GPC3: variants seen among roughly 807,000 people sequenced by gnomAD.
GPC3 encodes the protein glypican 3.
In GPC3, 3 loss-of-function variants were observed where a neutral mutation model predicts 34.4. The ratio of observed to expected loss-of-function variants is 0.09; its 90% CI spans 0.04 to 0.23. The LOEUF (loss-of-function observed/expected upper bound fraction) is 0.23. Among genes scored for constraint, GPC3 ranks in the 10% least tolerant of loss-of-function variants. The pLI is 1.00. For missense variants in GPC3, 351 were observed against 445.6 expected, an observed-to-expected ratio of 0.79 and a Z score of 1.91; for synonymous variants, 177 against 174.0, an observed-to-expected ratio of 1.02 and a Z score of -0.13.
intron 1 of GPC3, among the ~76,000 whole-genome samples, chrX:133,984,160 G>A (rs2076554799): frequency 8.8e-6 from 1 of 113,591 alleles, no homozygotes; most frequent in Non-Finnish European, 1.9e-5. Flanking sequence ...GCTGCTCCCC[G>A]ATCCCTCGGA....
At chrX:133,817,437 T>C (rs1026397226) in intron 2 of GPC3, among the ~76,000 whole-genome samples, 2 of 110,906 alleles carry the variant, frequency 1.8e-5, no homozygotes, top group African/African-American at 3.3e-5. Flanking sequence ...GTTGGCCACA[T>C]GTGAAGCAAG....
chrX:133,866,724 T>G (rs763139653), intron 2 of GPC3, among the ~76,000 whole-genome samples: 1 of 111,526 alleles, frequency 9.0e-6, no homozygotes, highest in East Asian at 2.8e-4. Flanking sequence ...ACTTCTGGCT[T>G]TTTTCTTTTT....
intron 2 of GPC3, among the ~76,000 whole-genome samples, chrX:133,867,440 C>T (rs1317292093): frequency 1.8e-5 from 2 of 110,295 alleles, no homozygotes; most frequent in African/African-American, 6.6e-5. Flanking sequence ...GACACATGAA[C>T]AAGTCATCCG....
At position 133,882,858 on chromosome X, in the gene GPC3, A is replaced by G. The variant is rs751803540; in HGVS notation, c.337+70192T>C. On this transcript the variant is annotated intron_variant, in intron 2 of 7. Coordinates refer to ENST00000370818, the MANE Select transcript of GPC3 (RefSeq NM_004484.4). Reference sequence around the variant, plus strand: ...CAATCCCTTGAGAATCTTATTTCCAATCTGACTCTCAGTAGGTCAGAGAAT... The same window carrying G: ...CAATCCCTTGAGAATCTTATTTCCAGTCTGACTCTCAGTAGGTCAGAGAAT... Among the ~76,000 whole-genome samples, 5 of 111,335 alleles carry G rather than the reference A, an allele frequency of 4.5e-5. No individual in the cohort carries two copies. In the South Asian group the frequency reaches 1.9e-3, roughly 42 times the overall value.
At chrX:133,930,638 TA>T (rs2076294232) in intron 2 of GPC3, among the ~76,000 whole-genome samples, 2 of 112,531 alleles carry the variant, frequency 1.8e-5, no homozygotes, top group Non-Finnish European at 3.8e-5. Context: ...AATACAATTT[TA>T]TTTTTTTTCT....
chrX:133,818,033 CAA>C (rs2075700853), intron 2 of GPC3, among the ~76,000 whole-genome samples: 1 of 111,292 alleles, frequency 9.0e-6, no homozygotes, highest in African/African-American at 3.3e-5. Flanking sequence ...TCAATCATGT[CAA>C]GTTTGGAACA....
chrX:133,897,062 A>G lies in GPC3; in HGVS notation c.337+55988T>C, dbSNP rs1442262626. Among the ~76,000 whole-genome samples, 32 of 108,714 alleles carry G rather than the reference A, an allele frequency of 2.9e-4. 1 individual carries two copies. Among genetic ancestry groups the G allele is most frequent in the South Asian group, 4.1e-4 (1 of 2,430 alleles). 94.4% of individuals were successfully genotyped at this position (108,714 alleles called of 115,157 possible). A position where few individuals can be genotyped will look rare whatever the true frequency, so the allele number is the denominator to read the frequency against. On this transcript the variant is annotated intron_variant, in intron 2 of 7. Coordinates refer to ENST00000370818, the MANE Select transcript of GPC3 (RefSeq NM_004484.4). ...GCTGGGACTACAGGCGCCCACAACCACGCCCAGCTAATTTTTTGTATTTTT... is the reference window on the plus strand; with the variant it reads ...GCTGGGACTACAGGCGCCCACAACCGCGCCCAGCTAATTTTTTGTATTTTT...
intron 1 of GPC3, among the ~76,000 whole-genome samples, chrX:133,971,992 T>C (rs1256545872): frequency 1.8e-5 from 2 of 111,991 alleles, no homozygotes; most frequent in Non-Finnish European, 3.8e-5. Context: ...CTCTGAATGA[T>C]TGAATAAATG....
At chrX:133,624,686 A>T (rs1246885175) in intron 6 of GPC3, among the ~76,000 whole-genome samples, 4 of 111,465 alleles carry the variant, frequency 3.6e-5, no homozygotes, top group Non-Finnish European at 7.5e-5. Context: ...CCAACCAAAA[A>T]AAAGTCCAGG....
intron 2 of GPC3, among the ~76,000 whole-genome samples, chrX:133,903,520 C>T (rs912558130): frequency 3.1e-4 from 35 of 111,833 alleles, no homozygotes; most frequent in African/African-American, 9.7e-4. Context: ...ACCCGGGAGG[C>T]GGAAGTGGCA....
In GPC3 at chrX:133,611,180, AG is replaced by A. The variant is rs760931269; in HGVS notation, c.1414-14582del. Among the ~76,000 whole-genome samples, 8 of 84,924 alleles carry A rather than the reference AG, an allele frequency of 9.4e-5. No individual in the cohort carries two copies. In the South Asian group the frequency reaches 5.2e-3, roughly 55 times the overall value. The allele number at this position is 84,924 out of a possible 115,157, so 73.7% of individuals were successfully genotyped here. A position where few individuals can be genotyped will look rare whatever the true frequency, so the allele number is the denominator to read the frequency against. Reference sequence around the variant, plus strand: ...CCTTAGCCAAACCTTGCCAAATAACAGGCTAGGGGGAGAGCAACACAGCCCC... The same window carrying A: ...CCTTAGCCAAACCTTGCCAAATAACAGCTAGGGGGAGAGCAACACAGCCCC... On this transcript the variant is annotated intron_variant, in intron 6 of 7. Transcript: ENST00000370818.
At chrX:133,743,436 T>G (rs1205551438) in intron 3 of GPC3, among the ~76,000 whole-genome samples, 3 of 112,593 alleles carry the variant, frequency 2.7e-5, no homozygotes, top group Non-Finnish European at 3.7e-5. Context: ...ACAGTCAAGT[T>G]AGAAAACATT....
chrX:133,821,601 C>T (rs1039297377), intron 2 of GPC3, among the ~76,000 whole-genome samples: 7 of 111,740 alleles, frequency 6.3e-5, no homozygotes, highest in African/African-American at 1.6e-4. Flanking sequence ...AGGTGAGTAA[C>T]GTCTGACTGG....
intron 5 of GPC3, among the ~76,000 whole-genome samples, chrX:133,668,828 G>A (rs1381911846): frequency 9.0e-6 from 1 of 111,714 alleles, no homozygotes; most frequent in Non-Finnish European, 1.9e-5. Flanking sequence ...ATCTCCAGCT[G>A]TGTGGGTTCT....
At chrX:133,894,568 G>A (rs921486370) in intron 2 of GPC3, among the ~76,000 whole-genome samples, 1 of 112,114 alleles carries the variant, frequency 8.9e-6, no homozygotes, top group Non-Finnish European at 1.9e-5. Flanking sequence ...GGCCGGGCAC[G>A]GTGGCTCACG....
rs946320439 is a variant in GPC3, at chrX:133,655,603, C to G, written c.1413+6127G>C. Among the ~76,000 whole-genome samples the G allele has an allele frequency of 2.7e-5, 3 of 111,405 alleles. No individual in the cohort carries two copies. The Admixed American group carries it at 2.9e-4, about 11-fold the overall frequency. On this transcript the variant is annotated intron_variant, in intron 6 of 7. Coordinates refer to ENST00000370818, the MANE Select transcript of GPC3 (RefSeq NM_004484.4). The stretch of plus-strand genomic sequence containing the variant: ...CACTTGTGAACAAGTAAGACAGACA[C>G]TGGGACATAATTCCATTTGGGAAGG...
At chrX:133,975,333 G>A (rs1307586223) in intron 1 of GPC3, among the ~76,000 whole-genome samples, 1 of 112,214 alleles carries the variant, frequency 8.9e-6, no homozygotes, top group Non-Finnish European at 1.9e-5. Context: ...TTCCACATCT[G>A]TGCTCCAAGA....
chrX:133,772,356 G>A (rs1463795460), intron 2 of GPC3, among the ~76,000 whole-genome samples: 1 of 110,828 alleles, frequency 9.0e-6, no homozygotes, highest in Admixed American at 9.6e-5. Flanking sequence ...AAACAAAGGT[G>A]CTGGTGTGGT....
intron 1 of GPC3, among the ~76,000 whole-genome samples, chrX:133,967,742 C>T (rs746824752): frequency 2.7e-5 from 3 of 112,192 alleles, no homozygotes; most frequent in South Asian, 3.7e-4. Flanking sequence ...GATCCTCCCA[C>T]CTCAGCTTCC....
Sources: gnomAD v4.1 joint callset for allele counts (sites outside exome capture counted in the v4.1 genomes callset) on GRCh38, gnomAD v4.1.1 for gene constraint, MANE v1.5 for transcripts, NCBI Gene and HGNC (gene_info 2026-07-23, HGNC 2026-07-21) for gene names.